The following MBD5 variants were observed in gnomAD, a reference collection of about 807,000 sequenced individuals.
The protein encoded by MBD5 is methyl-CpG-binding domain protein 5.
MBD5 carries 13 observed loss-of-function variants against 117.3 expected under a neutral mutation model. The observed-to-expected ratio is 0.11, with a 90% CI of 0.07 to 0.18. The LOEUF (loss-of-function observed/expected upper bound fraction) is 0.18. Among genes scored for constraint, MBD5 ranks in the 10% least tolerant of loss-of-function variants. The pLI is 1.00. For missense variants in MBD5, 1,879 were observed against 2,093.8 expected (o/e 0.90, Z 2.00); for synonymous variants, 727 against 766.4 (o/e 0.95, Z 0.85).
rs891909689 is a variant in MBD5 at position 148,177,329 on chromosome 2, C to T, written c.-924-1371C>T. ...CCTGTAAAGAATAGAGAATCTGCCT[C>T]AGCCTAGTTCTGAACCAGAACTGTG... On this transcript the variant is annotated intron_variant, in intron 1 of 13. Transcript: ENST00000642680. 2.0e-5 allele frequency among the ~76,000 whole-genome samples: 3 copies of T among 152,274 alleles called. No homozygotes were observed. The East Asian group carries it at 5.8e-4, about 29-fold the overall frequency.
At chr2:148,405,224 G>T (rs1398561387) in intron 4 of MBD5, among the ~76,000 whole-genome samples, 1 of 152,178 alleles carries the variant, frequency 6.6e-6, no homozygotes, top group African/African-American at 2.4e-5. Context: ...AAATTCTAGT[G>T]ATGGGAGAAA....
intron 1 of MBD5, among the ~76,000 whole-genome samples, chr2:148,085,630 A>C (rs1245113927): frequency 6.6e-6 from 1 of 150,904 alleles, no homozygotes; most frequent in Non-Finnish European, 1.5e-5. Flanking sequence ...AGGCTGAGGC[A>C]GGAGAATGGC....
At chr2:148,512,038 G>A (rs374994993) in intron 13 of MBD5, among the ~76,000 whole-genome samples, 1 of 152,152 alleles carries the variant, frequency 6.6e-6, no homozygotes, top group East Asian at 1.9e-4. Context: ...TGCTAAAATG[G>A]ACTTGTGTCG....
intron 1 of MBD5, among the ~76,000 whole-genome samples, chr2:148,130,355 T>A (rs180764044): frequency 6.6e-6 from 1 of 152,180 alleles, no homozygotes; most frequent in Non-Finnish European, 1.5e-5. Context: ...GCCCCTAGAG[T>A]ATCATTCTTT....
At chr2:148,435,753 G>T (rs1706136880) in intron 4 of MBD5, among the ~76,000 whole-genome samples, 1 of 152,146 alleles carries the variant, frequency 6.6e-6, no homozygotes, top group South Asian at 2.1e-4. Context: ...TCTTGCAGGG[G>T]GTCTCTGCAT....
At chr2:148,160,346 G>GAGAT (rs1245399004) in intron 1 of MBD5, among the ~76,000 whole-genome samples, 1 of 152,042 alleles carries the variant, frequency 6.6e-6, no homozygotes, top group African/African-American at 2.4e-5. Flanking sequence ...TGCAGTGAGT[G>GAGAT]AGATAGCACC....
At chr2:148,234,646 C>A (rs1339606850) in intron 3 of MBD5, among the ~76,000 whole-genome samples, 1 of 152,154 alleles carries the variant, frequency 6.6e-6, no homozygotes, top group Admixed American at 6.5e-5. Flanking sequence ...CTGGCAGAGA[C>A]ACACCTAAAC....
chr2:148,087,078 G>T (rs1050103286), intron 1 of MBD5, among the ~76,000 whole-genome samples: 2 of 152,150 alleles, frequency 1.3e-5, no homozygotes, highest in African/African-American at 4.8e-5. Flanking sequence ...CCACTCGGAT[G>T]AATAGAACAG....
At chr2:148,181,936 C>T (rs1172238376) in intron 2 of MBD5, among the ~76,000 whole-genome samples, 1 of 152,054 alleles carries the variant, frequency 6.6e-6, no homozygotes, top group Admixed American at 6.6e-5. Context: ...CCCTCTTATT[C>T]TTAACAGATT....
At chr2:148,129,300 C>T (rs538007501) in intron 1 of MBD5, among the ~76,000 whole-genome samples, 11 of 151,994 alleles carry the variant, frequency 7.2e-5, no homozygotes, top group Non-Finnish European at 1.0e-4. Context: ...TTGAGACTAC[C>T]GTGGCCAACA....
At position 148,516,652 on chromosome 2, in the gene MBD5, G is replaced by A. The variant is rs564074822; in HGVS notation, c.*3711G>A. 5 of 152,236 alleles carry A rather than the reference G, an allele frequency of 3.3e-5. No homozygotes were observed. The highest frequency in any genetic ancestry group is 2.1e-4 in the South Asian group (1 of 4,822). 9.4% of individuals were successfully genotyped at this position (152,236 alleles called of 1,614,324 possible). A position where few individuals can be genotyped will look rare whatever the true frequency, so the allele number is the denominator to read the frequency against. On this transcript the variant is annotated 3_prime_UTR_variant, in exon 14 of 14. Coordinates refer to ENST00000642680, the MANE Select transcript of MBD5 (RefSeq NM_001378120.1). ...TGAGCCAAAAAGCAATAAACAACTC[G>A]AGCATGGGAAATCCTGCTAACAGTG... is the stretch of plus-strand genomic sequence containing the variant.
intron 4 of MBD5, among the ~76,000 whole-genome samples, chr2:148,379,313 A>T (rs1266081034): frequency 6.6e-6 from 1 of 152,148 alleles, no homozygotes; most frequent in Non-Finnish European, 1.5e-5. Flanking sequence ...TTTACCACAG[A>T]CTTCTCAACA....
At chr2:148,382,163 C>A (rs1435059990) in intron 4 of MBD5, among the ~76,000 whole-genome samples, 1 of 109,164 alleles carries the variant, frequency 9.2e-6, no homozygotes, top group Non-Finnish European at 2.0e-5. Flanking sequence ...CACAGACTGG[C>A]AAATTGGATA....
intron 1 of MBD5, among the ~76,000 whole-genome samples, chr2:148,067,377 C>T (rs1032410791): frequency 4.6e-5 from 7 of 152,070 alleles, no homozygotes; most frequent in African/African-American, 1.2e-4. Context: ...TACAAATTAT[C>T]GTTAGACATA....
chr2:148,297,865 T>G (rs1701691484), intron 3 of MBD5, among the ~76,000 whole-genome samples: 1 of 152,208 alleles, frequency 6.6e-6, no homozygotes, highest in Non-Finnish European at 1.5e-5. Context: ...GAATTCTCCC[T>G]CACTCTATTC....
At chr2:148,467,870 C>T (rs1455205917) in intron 7 of MBD5, among the ~76,000 whole-genome samples, 4 of 152,116 alleles carry the variant, frequency 2.6e-5, no homozygotes, top group African/African-American at 9.7e-5. Context: ...AATGGCAATT[C>T]ATTTAAATCA....
chr2:148,299,594 C>G (rs1488041575), intron 3 of MBD5, among the ~76,000 whole-genome samples: 1 of 152,166 alleles, frequency 6.6e-6, no homozygotes, highest in Non-Finnish European at 1.5e-5. Flanking sequence ...ATTGCTTAAG[C>G]CTTCAGGTGC....
intron 1 of MBD5, among the ~76,000 whole-genome samples, chr2:148,066,518 G>A (rs1378800955): frequency 2.1e-5 from 3 of 139,972 alleles, no homozygotes; most frequent in African/African-American, 2.7e-5. Context: ...ACAGAGTCTC[G>A]CTGTGTCACC....
chr2:148,406,568 T>C (rs1705084228), intron 4 of MBD5, among the ~76,000 whole-genome samples: 1 of 152,226 alleles, frequency 6.6e-6, no homozygotes, highest in South Asian at 2.1e-4. Flanking sequence ...ACTCTTACAA[T>C]GGCATCTCAT....
Sources: allele counts gnomAD v4.1 joint callset (sites outside exome capture counted in the v4.1 genomes callset), GRCh38; gene constraint gnomAD v4.1.1; transcripts MANE v1.5; gene names NCBI Gene and HGNC (gene_info 2026-07-23, HGNC 2026-07-21).